The following TFAP2D variants were observed in gnomAD, a reference collection of about 807,000 sequenced individuals.
The protein encoded by TFAP2D is transcription factor AP-2-delta.
TFAP2D carries 9 observed loss-of-function variants against 43.6 expected under a neutral mutation model. The ratio of observed to expected loss-of-function variants is 0.21; its 90% CI spans 0.12 to 0.36. TFAP2D has a LOEUF of 0.36. TFAP2D is among the 10% of genes least tolerant of loss of function. The pLI is 1.00. For missense variants in TFAP2D, 513 were observed against 561.4 expected (o/e 0.91, Z 0.87); for synonymous variants, 256 against 224.9 (o/e 1.14, Z -1.24).
intron 4 of TFAP2D, 47 bp downstream of exon 4, chr6:50,729,068 C>G (rs375118997): frequency 3.9e-4 from 632 of 1,608,854 alleles, no homozygotes; most frequent in Admixed American, 8.7e-4. Context: ...TAACTGATAC[C>G]ATACCCTCAA....
chr6:50,733,794 G>T (rs575251819), intron 5 of TFAP2D, among the ~76,000 whole-genome samples: 23 of 152,166 alleles, frequency 1.5e-4, no homozygotes, highest in African/African-American at 5.5e-4. Flanking sequence ...TACCAGAAGG[G>T]AATTCTGTCT....
Position 50,723,595 on chromosome 6 carries a change from T to C in TFAP2D, c.598+4445T>C, listed in dbSNP as rs536952973. Among the ~76,000 whole-genome samples the C allele has an allele frequency of 3.9e-5, 6 of 152,322 alleles. No individual in the cohort carries two copies. In the East Asian group the frequency reaches 1.2e-3, roughly 29 times the overall value. On this transcript the variant is annotated intron_variant, in intron 3 of 7. Coordinates refer to ENST00000008391, the MANE Select transcript of TFAP2D (RefSeq NM_172238.4). The stretch of plus-strand genomic sequence containing the variant: ...CCTCGCCTGCCTCCTTAGTCCCCAG[T>C]GCAGATTCTGCAGGTTTGAAATTCA...
At chr6:50,719,291 C>A (rs780290023) in intron 3 of TFAP2D, 141 bp downstream of exon 3, 7 of 847,428 alleles carry the variant, frequency 8.3e-6, no homozygotes, top group Non-Finnish European at 1.3e-5. Context: ...TAGTCCAACA[C>A]TGGCATATCC....
intron 5 of TFAP2D, among the ~76,000 whole-genome samples, chr6:50,734,642 C>T (rs1043128405): frequency 2.0e-5 from 3 of 152,088 alleles, no homozygotes; most frequent in African/African-American, 7.2e-5. Context: ...CTTATCCACT[C>T]TAGCCAGAAA....
intron 5 of TFAP2D, among the ~76,000 whole-genome samples, chr6:50,743,488 C>G (rs1769082708): frequency 6.6e-6 from 1 of 151,898 alleles, no homozygotes; most frequent in African/African-American, 2.4e-5. Context: ...GTCAAGCAAT[C>G]CTCCGGCCTC....
chr6:50,761,899 G>A (rs1447920016), intron 7 of TFAP2D, among the ~76,000 whole-genome samples: 1 of 152,014 alleles, frequency 6.6e-6, no homozygotes, highest in Admixed American at 6.6e-5. Context: ...ATAAATGTAG[G>A]TAAGGCCTTG....
chr6:50,741,482 A>C (rs1029089591), intron 5 of TFAP2D, among the ~76,000 whole-genome samples: 2 of 151,924 alleles, frequency 1.3e-5, no homozygotes, highest in South Asian at 4.2e-4. Flanking sequence ...GCTCCTTTCT[A>C]TGTGTCCATG....
rs77582341 is a variant in TFAP2D, at chr6:50,737,882, T to C, written c.884-7225T>C. Among the ~76,000 whole-genome samples, 995 of 152,314 alleles carry C rather than the reference T, an allele frequency of 6.5e-3. 8 individuals are homozygous for C. The highest frequency in any genetic ancestry group is 0.022 in the African/African-American group (935 of 41,582). ...GGTTCAATGAAGAACCTCAAACTTATATAAATAGTTCCACAGATATGCAAG... is the reference window on the plus strand; with the variant it reads ...GGTTCAATGAAGAACCTCAAACTTACATAAATAGTTCCACAGATATGCAAG... On this transcript the variant is annotated intron_variant, in intron 5 of 7. Coordinates refer to ENST00000008391, the MANE Select transcript of TFAP2D (RefSeq NM_172238.4).
chr6:50,730,634 A>T (rs902758354), intron 5 of TFAP2D, among the ~76,000 whole-genome samples: 8 of 152,152 alleles, frequency 5.3e-5, no homozygotes, highest in Non-Finnish European at 1.2e-4. Flanking sequence ...GTTGCTCAGG[A>T]TAATAGAGGG....
At chr6:50,723,670 A>C (rs908583810) in intron 3 of TFAP2D, among the ~76,000 whole-genome samples, 3 of 152,200 alleles carry the variant, frequency 2.0e-5, no homozygotes, top group Admixed American at 1.3e-4. Flanking sequence ...ATCCAGAAGC[A>C]TGATTTGTTG....
intron 2 of TFAP2D, among the ~76,000 whole-genome samples, chr6:50,716,246 C>T (rs1768625631): frequency 6.6e-6 from 1 of 152,106 alleles, no homozygotes. Context: ...GGAAATAATC[C>T]GCACAGTGCA....
At chr6:50,739,626 C>T (rs896485719) in intron 5 of TFAP2D, among the ~76,000 whole-genome samples, 1 of 152,104 alleles carries the variant, frequency 6.6e-6, no homozygotes, top group Non-Finnish European at 1.5e-5. Flanking sequence ...GGGATATACT[C>T]TATTTTTCTA....
At chr6:50,720,022 G>A (rs1020880937) in intron 3 of TFAP2D, among the ~76,000 whole-genome samples, 1 of 152,220 alleles carries the variant, frequency 6.6e-6, no homozygotes, top group Non-Finnish European at 1.5e-5. Flanking sequence ...AGCCTCTGAA[G>A]TTTATTTTTC....
intron 7 of TFAP2D, among the ~76,000 whole-genome samples, chr6:50,754,300 A>G (rs1197579097): frequency 6.6e-6 from 1 of 151,632 alleles, no homozygotes; most frequent in Non-Finnish European, 1.5e-5. Flanking sequence ...CATGTGTCAA[A>G]ATTTTCTTCC....
chr6:50,772,594 A>G lies in TFAP2D; in HGVS notation c.1140-51A>G, dbSNP rs1418606282. ...TATATGGAGAGATTTGCTATTTCAC[A>G]TGATACTGCAAATCATTCACCTCTT... On this transcript the variant is annotated intron_variant, in intron 7 of 7. Transcript: ENST00000008391. 3 of 1,500,684 alleles carry G rather than the reference A, an allele frequency of 2.0e-6. No individual in the cohort carries two copies. In the African/African-American group the frequency reaches 4.1e-5, roughly 21 times the overall value. 93.0% of individuals were successfully genotyped at this position (1,500,684 alleles called of 1,614,324 possible). A position where few individuals can be genotyped will look rare whatever the true frequency, so the allele number is the denominator to read the frequency against.
intron 7 of TFAP2D, among the ~76,000 whole-genome samples, chr6:50,772,073 T>C (rs1348004792): frequency 6.6e-6 from 1 of 152,144 alleles, no homozygotes; most frequent in East Asian, 1.9e-4. Flanking sequence ...TAAAAAATGA[T>C]GAGTTCATGT....
At chr6:50,741,421 C>A (rs1053326263) in intron 5 of TFAP2D, among the ~76,000 whole-genome samples, 2 of 151,932 alleles carry the variant, frequency 1.3e-5, no homozygotes, top group African/African-American at 4.8e-5. Context: ...GTTATTTTTC[C>A]CGATCTCTCT....
intron 3 of TFAP2D, among the ~76,000 whole-genome samples, chr6:50,719,490 A>C (rs1013188117): frequency 7.2e-6 from 1 of 139,226 alleles, no homozygotes; most frequent in Non-Finnish European, 1.7e-5. Context: ...AGAAAGAAAG[A>C]AAGAAAGAAA....
chr6:50,772,784 C>T lies in TFAP2D; in HGVS notation c.1279C>T (p.His427Tyr), dbSNP rs1439454410. The T allele has an allele frequency of 6.2e-7, 1 of 1,614,112 alleles. No individual in the cohort carries two copies. The highest frequency in any genetic ancestry group is 1.1e-5 in the South Asian group (1 of 91,080). The change falls in exon 8 of 8, where the codon CAT becomes TAT. Residue 427 changes from histidine (H) to tyrosine (Y), a missense_variant. Physicochemically the swap from His to Tyr is moderately conservative, Grantham distance 83. Transcript: ENST00000008391. ...NGGAADSGQG[H>Y]ANSEKAPLRK... ...CGGAGCGGCGGATTCTGGCCAAGGA[C>T]ATGCCAACTCGGAGAAAGCTCCCCT... is the stretch of plus-strand genomic sequence containing the variant.
Sources: gnomAD v4.1 joint callset for allele counts (sites outside exome capture counted in the v4.1 genomes callset) on GRCh38, gnomAD v4.1.1 for gene constraint, MANE v1.5 for transcripts, NCBI Gene and HGNC (gene_info 2026-07-23, HGNC 2026-07-21) for gene names.